RBFOX1: variants seen among roughly 807,000 people sequenced by gnomAD.
RBFOX1 encodes RNA binding fox-1 homolog 1, also known as RNA binding protein fox-1 homolog 1.
RBFOX1 carries 8 observed loss-of-function variants against 57.7 expected under a neutral mutation model. The ratio of observed to expected loss-of-function variants is 0.14; its 90% CI spans 0.08 to 0.25. The LOEUF is 0.25. Among genes scored for constraint, RBFOX1 ranks in the 10% least tolerant of loss-of-function variants. The probability of loss-of-function intolerance (pLI) is 1.00; values close to 1 mark genes in which losing one functional copy is unlikely to be tolerated. For synonymous variants in RBFOX1, 326 were observed against 222.4 expected (o/e 1.47, Z -4.15); for missense variants, 611 against 548.5 (o/e 1.11, Z -1.14).
At chr16:6,670,695 C>T (rs953454781) in intron 3 of RBFOX1, among the ~76,000 whole-genome samples, 2 of 152,084 alleles carry the variant, frequency 1.3e-5, no homozygotes, top group Non-Finnish European at 2.9e-5. Context: ...GGTGATGTTG[C>T]TATAAAACTG....
intron 3 of RBFOX1, among the ~76,000 whole-genome samples, chr16:5,658,264 G>A (rs1174551684): frequency 2.6e-5 from 4 of 152,190 alleles, no homozygotes; most frequent in Non-Finnish European, 4.4e-5. Context: ...GAGACCCCAA[G>A]ACTGGAGACA....
At chr16:5,290,792 G>A (rs1354393697) in intron 1 of RBFOX1, among the ~76,000 whole-genome samples, 2 of 151,656 alleles carry the variant, frequency 1.3e-5, no homozygotes, top group African/African-American at 2.4e-5. Context: ...TCTGCCTCCC[G>A]AGTTCAAGTG....
intron 1 of RBFOX1, among the ~76,000 whole-genome samples, chr16:5,329,458 GC>G (rs917992618): frequency 2.6e-5 from 4 of 152,218 alleles, no homozygotes; most frequent in Admixed American, 1.3e-4. Context: ...GGGGAAATCT[GC>G]CCCCATGATC....
At chr16:6,978,912 G>T (rs1395166126) in intron 3 of RBFOX1, among the ~76,000 whole-genome samples, 2 of 152,160 alleles carry the variant, frequency 1.3e-5, no homozygotes, top group African/African-American at 4.8e-5. Flanking sequence ...TGCATTGGAA[G>T]GGCACAGAGG....
intron 4 of RBFOX1, among the ~76,000 whole-genome samples, chr16:7,254,994 T>C (rs1460123270): frequency 6.6e-6 from 1 of 152,174 alleles, no homozygotes; most frequent in Non-Finnish European, 1.5e-5. Flanking sequence ...TTCTTGAGTT[T>C]TATTTGCTGT....
intron 14 of RBFOX1, among the ~76,000 whole-genome samples, chr16:7,688,269 G>GAC (rs1209329837): frequency 4.6e-5 from 7 of 150,624 alleles, no homozygotes; most frequent in Non-Finnish European, 8.9e-5. Flanking sequence ...GTGAGAGAGA[G>GAC]AGAGAGAGAG....
chr16:5,808,907 T>G (rs896312472), intron 3 of RBFOX1, among the ~76,000 whole-genome samples: 1 of 152,172 alleles, frequency 6.6e-6, no homozygotes, highest in African/African-American at 2.4e-5. Context: ...TAAATACCCT[T>G]TGTTTCCTTC....
chr16:5,878,611 C>T (rs953339352), intron 4 of RBFOX1, among the ~76,000 whole-genome samples: 5 of 152,138 alleles, frequency 3.3e-5, no homozygotes, highest in African/African-American at 9.7e-5. Flanking sequence ...GGAGAAACTT[C>T]GTGACTATGC....
At chr16:5,800,920 A>G (rs2055035892) in intron 3 of RBFOX1, among the ~76,000 whole-genome samples, 1 of 152,110 alleles carries the variant, frequency 6.6e-6, no homozygotes, top group Non-Finnish European at 1.5e-5. Context: ...CCACATGAGG[A>G]CAGATGGAAT....
intron 5 of RBFOX1, among the ~76,000 whole-genome samples, chr16:7,578,973 T>A (rs909560020): frequency 6.6e-6 from 1 of 152,212 alleles, no homozygotes; most frequent in Non-Finnish European, 1.5e-5. Context: ...ATGCTGATGA[T>A]GTTACATGGT....
chr16:6,777,714 C>G (rs1603620312), intron 3 of RBFOX1, among the ~76,000 whole-genome samples: 1 of 152,074 alleles, frequency 6.6e-6, no homozygotes, highest in Admixed American at 6.5e-5. Context: ...TCTGATGGAG[C>G]TTGATATTCA....
At chr16:5,409,356 C>G (rs1295073734) in intron 1 of RBFOX1, among the ~76,000 whole-genome samples, 1 of 152,214 alleles carries the variant, frequency 6.6e-6, no homozygotes, top group African/African-American at 2.4e-5. Flanking sequence ...GTCTCATCCT[C>G]TTCTCTACCC....
At chr16:6,974,507 G>C (rs942687419) in intron 3 of RBFOX1, among the ~76,000 whole-genome samples, 3 of 151,874 alleles carry the variant, frequency 2.0e-5, no homozygotes, top group African/African-American at 7.3e-5. Context: ...ACCACGCCCA[G>C]CTAATTGTTG....
intron 3 of RBFOX1, among the ~76,000 whole-genome samples, chr16:5,798,975 G>C (rs879539382): frequency 3.9e-5 from 6 of 152,090 alleles, no homozygotes; most frequent in Non-Finnish European, 7.3e-5. Context: ...CTGAAACTCA[G>C]ATCCTTCCTC....
At chr16:7,620,996 C>T (rs995633483) in intron 10 of RBFOX1, among the ~76,000 whole-genome samples, 58 of 152,096 alleles carry the variant, frequency 3.8e-4, no homozygotes, top group African/African-American at 1.3e-3. Context: ...TTGTCAGCAC[C>T]ATCTGCATCC....
intron 11 of RBFOX1, 34 bp downstream of exon 11, chr16:7,630,717 G>A (rs1030571082): frequency 1.2e-6 from 2 of 1,612,716 alleles, no homozygotes; most frequent in African/African-American, 2.7e-5. Context: ...TTTGTTTTGT[G>A]ACATAAATCT....
chr16:7,061,437 A>G (rs1388756470), intron 4 of RBFOX1, among the ~76,000 whole-genome samples: 1 of 152,144 alleles, frequency 6.6e-6, no homozygotes, highest in African/African-American at 2.4e-5. Context: ...CTTCATTGTG[A>G]AATATGATTA....
chr16:7,289,812 T>C lies in RBFOX1; in HGVS notation c.28-228335T>C, dbSNP rs149752208. 3.9e-3 allele frequency among the ~76,000 whole-genome samples: 598 copies of C among 152,322 alleles called. 3 individuals are homozygous for C. The highest frequency in any genetic ancestry group is 0.014 in the African/African-American group (570 of 41,568). ...AAAATATTAGTGCTTGTCTCACTTA[T>C]AAATAAGGATCCAAGACTCAGGAAG... On this transcript the variant is annotated intron_variant, in intron 4 of 15. Coordinates refer to ENST00000550418, the MANE Select transcript of RBFOX1 (RefSeq NM_018723.4).
At chr16:6,248,522 A>C (rs998450634) in intron 1 of RBFOX1, among the ~76,000 whole-genome samples, 7 of 152,160 alleles carry the variant, frequency 4.6e-5, no homozygotes, top group Non-Finnish European at 1.0e-4. Context: ...CAGGATGCTC[A>C]TTGTCATGGC....
Sources: allele counts gnomAD v4.1 joint callset (sites outside exome capture counted in the v4.1 genomes callset), GRCh38; gene constraint gnomAD v4.1.1; transcripts MANE v1.5; gene names NCBI Gene and HGNC (gene_info 2026-07-23, HGNC 2026-07-21).